GPC5: variants seen among roughly 807,000 people sequenced by gnomAD.
GPC5 encodes glypican 5.
In GPC5, 47 loss-of-function variants were observed where a neutral mutation model predicts 53.9. That is an observed-to-expected ratio of 0.87 (90% CI 0.69 to 1.11). The LOEUF (loss-of-function observed/expected upper bound fraction) is 1.11, where lower values mean the gene tolerates loss of function less well. Ranked by LOEUF, GPC5 falls within the 50% of genes most tolerant of loss-of-function variation. The probability of loss-of-function intolerance (pLI) is 0.00; values close to 1 mark genes in which losing one functional copy is unlikely to be tolerated. For missense variants in GPC5, 748 were observed against 713.1 expected (o/e 1.05, Z -0.56); for synonymous variants, 286 against 263.3 (o/e 1.09, Z -0.84).
rs961958681 is a variant in GPC5 at position 91,564,833 on chromosome 13, T to G, written c.325+115911T>G. Among the ~76,000 whole-genome samples, 8 of 152,280 alleles carry G rather than the reference T, an allele frequency of 5.3e-5. No individual in the cohort carries two copies. In the East Asian group the frequency reaches 7.7e-4, roughly 15 times the overall value. The stretch of plus-strand genomic sequence containing the variant: ...GTGATTTACAAGTCTTTTCAATATG[T>G]CGCCTTCAAATTATACTGTATAGTA... On this transcript the variant is annotated intron_variant, in intron 2 of 7. Transcript: ENST00000377067.
intron 6 of GPC5, among the ~76,000 whole-genome samples, chr13:91,981,352 C>G (rs902927607): frequency 2.6e-5 from 4 of 151,124 alleles, no homozygotes; most frequent in African/African-American, 4.9e-5. Context: ...TGCAGTGGCG[C>G]GATCTCGGCT....
At chr13:92,443,679 T>C in intron 7 of GPC5, among the ~76,000 whole-genome samples, 1 of 152,198 alleles carries the variant, frequency 6.6e-6, no homozygotes, top group East Asian at 1.9e-4. Flanking sequence ...GTAGTAATGA[T>C]AATATATTGC....
rs79974232 is a variant in GPC5 at position 92,640,076 on chromosome 13, G to C, written c.1562-226206G>C. On this transcript the variant is annotated intron_variant, in intron 7 of 7. Coordinates refer to ENST00000377067, the MANE Select transcript of GPC5 (RefSeq NM_004466.6). ...AATGTAGCTAAGCAAAGAAACTAGA[G>C]TCTCAGTATGAGACAGATATATATG... Among the ~76,000 whole-genome samples, 129 of 151,692 alleles carry C rather than the reference G, an allele frequency of 8.5e-4. 1 individual carries two copies. Among genetic ancestry groups the C allele is most frequent in the African/African-American group, 2.8e-3 (117 of 41,306 alleles).
At chr13:92,611,264 T>C (rs1469929829) in intron 7 of GPC5, among the ~76,000 whole-genome samples, 1 of 152,154 alleles carries the variant, frequency 6.6e-6, no homozygotes, top group Non-Finnish European at 1.5e-5. Context: ...CTTATCTCAG[T>C]AAGAGGTACA....
chr13:92,496,849 C>G (rs1008786157), intron 7 of GPC5, among the ~76,000 whole-genome samples: 5 of 152,144 alleles, frequency 3.3e-5, no homozygotes, highest in African/African-American at 1.2e-4. Flanking sequence ...GGCGGCAAAT[C>G]CATGCAGGTC....
intron 5 of GPC5, among the ~76,000 whole-genome samples, chr13:91,894,491 TA>T (rs979539020): frequency 6.6e-6 from 1 of 152,224 alleles, no homozygotes; most frequent in Non-Finnish European, 1.5e-5. Context: ...AAAAGCCATG[TA>T]TCTGGCTGGA....
intron 7 of GPC5, among the ~76,000 whole-genome samples, chr13:92,151,601 C>T (rs2041908053): frequency 6.6e-6 from 1 of 152,132 alleles, no homozygotes; most frequent in Non-Finnish European, 1.5e-5. Context: ...ATGAGGTTTA[C>T]TTCTTAACAC....
chr13:91,704,255 G>T (rs112520792), intron 3 of GPC5, among the ~76,000 whole-genome samples: 7 of 130,300 alleles, frequency 5.4e-5, no homozygotes, highest in Non-Finnish European at 6.7e-5. Flanking sequence ...GCCCTTCTTT[G>T]TCTCTTTTTA....
intron 7 of GPC5, among the ~76,000 whole-genome samples, chr13:92,567,925 T>C (rs1038103649): frequency 1.3e-5 from 2 of 152,146 alleles, no homozygotes; most frequent in African/African-American, 4.8e-5. Flanking sequence ...GCCCAACTGA[T>C]TTAAACGAAT....
intron 7 of GPC5, among the ~76,000 whole-genome samples, chr13:92,484,895 C>T (rs9523678): frequency 0.13 from 19,028 of 150,810 alleles, 1,507 homozygotes; most frequent in Non-Finnish European, 0.17. Flanking sequence ...CCACCATGCC[C>T]GGCTAATTTT....
intron 7 of GPC5, among the ~76,000 whole-genome samples, chr13:92,399,843 CTAAGT>C (rs1043986631): frequency 3.9e-5 from 6 of 152,138 alleles, no homozygotes; most frequent in Non-Finnish European, 8.8e-5. Context: ...AACTAAAAAA[CTAAGT>C]TAATTCAGTG....
chr13:92,162,058 AT>A (rs1294661636), intron 7 of GPC5, among the ~76,000 whole-genome samples: 2 of 146,870 alleles, frequency 1.4e-5, no homozygotes, highest in Non-Finnish European at 3.0e-5. Flanking sequence ...GTATCATAAG[AT>A]TTTTTGTCAT....
chr13:91,607,228 C>A (rs373573568), intron 2 of GPC5, among the ~76,000 whole-genome samples: 142 of 152,200 alleles, frequency 9.3e-4, no homozygotes, highest in African/African-American at 3.3e-3. Context: ...ACCGGTGCAC[C>A]TTGAAATTTT....
At chr13:91,754,388 TG>T (rs1566661915) in intron 4 of GPC5, among the ~76,000 whole-genome samples, 1 of 152,130 alleles carries the variant, frequency 6.6e-6, no homozygotes, top group South Asian at 2.1e-4. Context: ...AGTATAGCCG[TG>T]GGAAAGAGGA....
At chr13:91,614,510 C>G (rs2033643221) in intron 2 of GPC5, among the ~76,000 whole-genome samples, 1 of 151,932 alleles carries the variant, frequency 6.6e-6, no homozygotes, top group Non-Finnish European at 1.5e-5. Flanking sequence ...TTTTAAATTT[C>G]TTGTAGAGAC....
intron 5 of GPC5, among the ~76,000 whole-genome samples, chr13:91,769,990 A>T (rs2037592486): frequency 6.6e-6 from 1 of 152,196 alleles, no homozygotes; most frequent in African/African-American, 2.4e-5. Flanking sequence ...GATGCCACTC[A>T]CAAGTAGTAG....
intron 7 of GPC5, among the ~76,000 whole-genome samples, chr13:92,401,259 A>G (rs923174724): frequency 6.6e-6 from 1 of 151,918 alleles, no homozygotes; most frequent in African/African-American, 2.4e-5. Context: ...CTTTATGGAA[A>G]TGATAGAAGT....
intron 7 of GPC5, among the ~76,000 whole-genome samples, chr13:92,245,970 G>A (rs9523545): frequency 0.56 from 85,513 of 151,524 alleles, 24,377 homozygotes; most frequent in South Asian, 0.65. Flanking sequence ...TCATTTTCTT[G>A]TTTAGTATAA....
rs149412722 is a variant in GPC5 at position 91,558,625 on chromosome 13, G to T, written c.325+109703G>T. 2.0e-5 allele frequency among the ~76,000 whole-genome samples: 3 copies of T among 152,098 alleles called. No individual in the cohort carries two copies. The East Asian group carries it at 5.8e-4, about 29-fold the overall frequency. The stretch of plus-strand genomic sequence containing the variant: ...ATCCAGTGACACTCATCCCTGGCAC[G>T]TTTGAGTGGCAATACCATTGCAAGT... On this transcript the variant is annotated intron_variant, in intron 2 of 7. Transcript: ENST00000377067.
Sources: allele counts gnomAD v4.1 joint callset (sites outside exome capture counted in the v4.1 genomes callset), GRCh38; gene constraint gnomAD v4.1.1; transcripts MANE v1.5; gene names NCBI Gene and HGNC (gene_info 2026-07-23, HGNC 2026-07-21).